Variants in SHISA9 observed in about 807,000 individuals in gnomAD.
SHISA9 encodes protein shisa-9.
Under a neutral mutation model 38.0 loss-of-function variants are expected in SHISA9, and 13 were observed. The observed-to-expected ratio is 0.34, with a 90% CI of 0.22 to 0.54. The LOEUF is 0.54. Among genes scored for constraint, SHISA9 ranks in the 20% least tolerant of loss-of-function variants. SHISA9 has a pLI of 0.91. For synonymous variants in SHISA9, 275 were observed against 242.0 expected (o/e 1.14, Z -1.27); for missense variants, 538 against 575.8 (o/e 0.93, Z 0.67).
chr16:13,349,463 G>T, the SHISA9 span, among the ~76,000 whole-genome samples: 2 of 152,216 alleles, frequency 1.3e-5, no homozygotes, highest in Admixed American at 6.5e-5. Context: ...CCAGGTTCCT[G>T]AGAACACTGG....
the SHISA9 span, among the ~76,000 whole-genome samples, chr16:13,536,710 C>T: frequency 6.6e-6 from 1 of 152,162 alleles, no homozygotes; most frequent in South Asian, 2.1e-4. Context: ...GCACCATGTG[C>T]ATGTACAAGG....
downstream of SHISA9, among the ~76,000 whole-genome samples, chr16:13,244,938 C>G (rs2051461129): frequency 6.6e-6 from 1 of 152,164 alleles, no homozygotes; most frequent in Non-Finnish European, 1.5e-5. Context: ...ACTTTTGAGA[C>G]AGGATCTCAC....
the SHISA9 span, among the ~76,000 whole-genome samples, chr16:13,252,579 A>G: frequency 1.3e-5 from 2 of 152,116 alleles, no homozygotes; most frequent in Non-Finnish European, 2.9e-5. Context: ...TCACCTTCTC[A>G]GTGAGGCCTG....
chr16:13,507,227 G>A, the SHISA9 span, among the ~76,000 whole-genome samples: 1,063 of 152,058 alleles, frequency 7.0e-3, 6 homozygotes, highest in African/African-American at 0.021. Flanking sequence ...CCATTTCAGA[G>A]ATAAGAACAA....
chr16:12,970,332 T>TATATACATATATGTATATATAC (rs1567356735), intron 2 of SHISA9, among the ~76,000 whole-genome samples: 10 of 74,986 alleles, frequency 1.3e-4, no homozygotes, highest in Non-Finnish European at 2.6e-4. Flanking sequence ...TATACATATA[T>TATATACATATATGTATATATAC]ATATATATAT....
At chr16:13,143,595 A>G (rs908517307) in intron 2 of SHISA9, among the ~76,000 whole-genome samples, 2 of 152,208 alleles carry the variant, frequency 1.3e-5, no homozygotes, top group Non-Finnish European at 2.9e-5. Flanking sequence ...ATCATGCTGC[A>G]GGGACTGATT....
At chr16:13,171,605 C>T (rs1403839984) in intron 2 of SHISA9, among the ~76,000 whole-genome samples, 2 of 151,906 alleles carry the variant, frequency 1.3e-5, no homozygotes, top group Non-Finnish European at 2.9e-5. Flanking sequence ...CAGGGTTCTG[C>T]CCTGGGAGAG....
the SHISA9 span, among the ~76,000 whole-genome samples, chr16:13,544,022 A>G: frequency 6.6e-6 from 1 of 152,166 alleles, no homozygotes; most frequent in Non-Finnish European, 1.5e-5. Flanking sequence ...TTTTACAGGG[A>G]GGAAGTAGCA....
At chr16:13,010,090 G>C (rs962846622) in intron 2 of SHISA9, among the ~76,000 whole-genome samples, 1 of 152,002 alleles carries the variant, frequency 6.6e-6, no homozygotes, top group Non-Finnish European at 1.5e-5. Flanking sequence ...AGGCAGGAAG[G>C]TCGCTTGAGC....
the SHISA9 span, among the ~76,000 whole-genome samples, chr16:13,258,026 C>T: frequency 6.6e-5 from 10 of 152,290 alleles, no homozygotes; most frequent in Admixed American, 2.0e-4. Context: ...TGTGCATTTT[C>T]TTAATTTCAA....
intron 2 of SHISA9, among the ~76,000 whole-genome samples, chr16:13,058,195 T>C (rs897227589): frequency 1.3e-5 from 2 of 152,100 alleles, no homozygotes; most frequent in African/African-American, 4.8e-5. Context: ...AGTGATTGAG[T>C]GAATAACAAT....
chr16:13,067,683 G>T (rs998753564), intron 2 of SHISA9, among the ~76,000 whole-genome samples: 4 of 152,240 alleles, frequency 2.6e-5, no homozygotes, highest in Non-Finnish European at 4.4e-5. Flanking sequence ...ATTGTCTTCA[G>T]GGGAGAGTGT....
the SHISA9 span, among the ~76,000 whole-genome samples, chr16:13,507,346 A>AT: frequency 6.6e-6 from 1 of 152,110 alleles, no homozygotes; most frequent in African/African-American, 2.4e-5. Flanking sequence ...GATTAGAGGC[A>AT]TTTTGGGCCT....
chr16:12,939,045 T>C (rs966019545), intron 2 of SHISA9, among the ~76,000 whole-genome samples: 11 of 147,358 alleles, frequency 7.5e-5, no homozygotes, highest in African/African-American at 2.7e-4. Flanking sequence ...TAGTTTCATC[T>C]CTTCTCTCCT....
chr16:13,115,472 T>TA (rs1336623917), intron 2 of SHISA9, among the ~76,000 whole-genome samples: 1 of 152,246 alleles, frequency 6.6e-6, no homozygotes, highest in African/African-American at 2.4e-5. Context: ...CAGAGATCAC[T>TA]AATGCTTTTG....
At chr16:13,174,096 G>A (rs906850472) in intron 2 of SHISA9, among the ~76,000 whole-genome samples, 1 of 152,154 alleles carries the variant, frequency 6.6e-6, no homozygotes, top group Non-Finnish European at 1.5e-5. Context: ...GGCTGGACTG[G>A]TTGATCTCCA....
chr16:13,061,775 G>C (rs1027220361), intron 2 of SHISA9, among the ~76,000 whole-genome samples: 2 of 152,116 alleles, frequency 1.3e-5, no homozygotes, highest in African/African-American at 4.8e-5. Flanking sequence ...CAAACAAAAG[G>C]CCAACAGAAT....
chr16:13,285,488 T>TA, the SHISA9 span, among the ~76,000 whole-genome samples: 15 of 123,754 alleles, frequency 1.2e-4, no homozygotes, highest in South Asian at 4.8e-4. Context: ...TTTTTTTTTT[T>TA]ATAAAAGGAG....
At chr16:13,477,277 A>G in the SHISA9 span, among the ~76,000 whole-genome samples, 1 of 152,240 alleles carries the variant, frequency 6.6e-6, no homozygotes, top group Admixed American at 6.5e-5. Flanking sequence ...GGCACAGGAC[A>G]TTGTTGGGTC....
Sources: gnomAD v4.1 joint callset for allele counts (sites outside exome capture counted in the v4.1 genomes callset) on GRCh38, gnomAD v4.1.1 for gene constraint, MANE v1.5 for transcripts, NCBI Gene and HGNC (gene_info 2026-07-23, HGNC 2026-07-21) for gene names.